The following PRELID2 variants were observed in gnomAD, a reference collection of about 807,000 sequenced individuals.
PRELID2 encodes PRELI domain containing 2.
In PRELID2, 25 loss-of-function variants were observed where a neutral mutation model predicts 28.4. That is an observed-to-expected ratio of 0.88 (90% CI 0.64 to 1.23). PRELID2 has a LOEUF of 1.23. PRELID2 is among the 50% of genes most tolerant of loss of function. The pLI, the probability that PRELID2 is intolerant of heterozygous loss-of-function variation, is 0.00. For synonymous variants in PRELID2, 76 were observed against 71.6 expected, an observed-to-expected ratio of 1.06 and a Z score of -0.31; for missense variants, 201 against 214.4, an observed-to-expected ratio of 0.94 and a Z score of 0.39.
chr5:145,445,240 A>T, the PRELID2 span, among the ~76,000 whole-genome samples: 8 of 152,226 alleles, frequency 5.3e-5, no homozygotes, highest in Non-Finnish European at 1.2e-4. Flanking sequence ...ATCCACAGCC[A>T]ACTGATTTTT....
intron 5 of PRELID2, among the ~76,000 whole-genome samples, chr5:145,775,305 C>T (rs969859153): frequency 3.3e-5 from 5 of 152,158 alleles, no homozygotes; most frequent in African/African-American, 9.6e-5. Context: ...CTGAGCCTTC[C>T]GTATACTATC....
At chr5:145,358,691 C>T in the PRELID2 span, among the ~76,000 whole-genome samples, 1 of 152,072 alleles carries the variant, frequency 6.6e-6, no homozygotes, top group Admixed American at 6.6e-5. Context: ...AGATAAAATC[C>T]AATGAAAGGG....
chr5:145,527,150 G>T (rs575108055), intron 1 of PRELID2, among the ~76,000 whole-genome samples: 2 of 152,114 alleles, frequency 1.3e-5, no homozygotes, highest in Admixed American at 6.6e-5. Flanking sequence ...TCTATAAAAG[G>T]GTGGCACCAG....
intron 1 of PRELID2, chr5:145,826,094 C>T (rs1282862200): frequency 1.0e-6 from 1 of 985,404 alleles, no homozygotes. Context: ...ATCAGGATCA[C>T]ACCCATCAAA....
intron 4 of PRELID2, among the ~76,000 whole-genome samples, chr5:145,812,922 G>C (rs756675344): frequency 6.6e-6 from 1 of 152,206 alleles, no homozygotes; most frequent in African/African-American, 2.4e-5. Flanking sequence ...CAGTACAGAT[G>C]GGGGAAAGCC....
chr5:145,303,165 C>A, the PRELID2 span, among the ~76,000 whole-genome samples: 24 of 152,246 alleles, frequency 1.6e-4, no homozygotes, highest in South Asian at 5.0e-3. Context: ...AATTAAATAA[C>A]ATTTGTAAAG....
the PRELID2 span, among the ~76,000 whole-genome samples, chr5:145,451,251 T>C: frequency 2.0e-5 from 3 of 152,122 alleles, no homozygotes; most frequent in Admixed American, 6.5e-5. Flanking sequence ...CCACAAGCAC[T>C]CCACAGTCAT....
intron 1 of PRELID2, among the ~76,000 whole-genome samples, chr5:145,561,403 G>A (rs943374612): frequency 2.0e-5 from 3 of 151,944 alleles, no homozygotes; most frequent in African/African-American, 4.8e-5. Context: ...CCCTAAGCAC[G>A]GCTCCCAGAC....
At chr5:145,377,295 GTTTT>G in the PRELID2 span, among the ~76,000 whole-genome samples, 1 of 152,142 alleles carries the variant, frequency 6.6e-6, no homozygotes, top group Middle Eastern at 3.2e-3. Flanking sequence ...GCTCTGAAGT[GTTTT>G]ACTTCCAATT....
chr5:145,286,313 G>A, the PRELID2 span, among the ~76,000 whole-genome samples: 6 of 152,272 alleles, frequency 3.9e-5, no homozygotes, highest in African/African-American at 7.2e-5. Context: ...CACTATGCTT[G>A]TTATACTATC....
the PRELID2 span, among the ~76,000 whole-genome samples, chr5:145,275,080 A>G: frequency 2.0e-5 from 3 of 152,024 alleles, no homozygotes; most frequent in East Asian, 5.8e-4. Context: ...TTTTACCTTA[A>G]TCTCCTCTTT....
At chr5:145,640,771 T>C (rs1263541944) in intron 1 of PRELID2, among the ~76,000 whole-genome samples, 2 of 152,028 alleles carry the variant, frequency 1.3e-5, no homozygotes, top group Non-Finnish European at 2.9e-5. Flanking sequence ...TAACAAAACA[T>C]ATTACAAAAC....
At chr5:145,556,703 T>A (rs897560682) in intron 1 of PRELID2, among the ~76,000 whole-genome samples, 4 of 152,202 alleles carry the variant, frequency 2.6e-5, no homozygotes, top group Non-Finnish European at 5.9e-5. Flanking sequence ...CAAGGCCCAA[T>A]GTGGTCTCAC....
Position 145,759,894 on chromosome 5 carries a change from G to T in PRELID2, c.*642C>A, listed in dbSNP as rs1416663888. ...TCATTTCATTTTTTTTTTTCCAGAG[G>T]ACCAAATCACAGTTTACATATTACA... On this transcript the variant is annotated 3_prime_UTR_variant, in exon 7 of 7. Transcript: ENST00000683046. The T allele has an allele frequency of 1.3e-5, 2 of 151,648 alleles. No individual in the cohort carries two copies. Among genetic ancestry groups the T allele is most frequent in the African/African-American group, 2.4e-5 (1 of 41,236 alleles). The allele number at this position is 151,648 out of a possible 1,614,324, so 9.4% of individuals were successfully genotyped here.
the PRELID2 span, among the ~76,000 whole-genome samples, chr5:145,248,324 T>C: frequency 0.083 from 12,558 of 152,136 alleles, 1,125 homozygotes; most frequent in African/African-American, 0.23. Flanking sequence ...TTTTCAAATT[T>C]TGTACCATAG....
chr5:145,422,005 A>G, the PRELID2 span, among the ~76,000 whole-genome samples: 1 of 150,436 alleles, frequency 6.6e-6, no homozygotes, highest in Non-Finnish European at 1.5e-5. Flanking sequence ...GTAGTCATTC[A>G]GGAGCAGGTT....
chr5:145,572,503 C>T (rs939243907), intron 1 of PRELID2, among the ~76,000 whole-genome samples: 2 of 152,142 alleles, frequency 1.3e-5, no homozygotes, highest in East Asian at 3.8e-4. Flanking sequence ...TGTACAGCAT[C>T]TGTGTGCTAT....
At chr5:145,327,730 G>A in the PRELID2 span, among the ~76,000 whole-genome samples, 13 of 151,542 alleles carry the variant, frequency 8.6e-5, no homozygotes, top group Middle Eastern at 3.2e-3. Context: ...TTTTTATATT[G>A]ATATGCTTTG....
intron 1 of PRELID2, among the ~76,000 whole-genome samples, chr5:145,653,455 A>G (rs921683792): frequency 4.6e-5 from 7 of 152,246 alleles, no homozygotes; most frequent in African/African-American, 1.7e-4. Flanking sequence ...CATTCTTCTA[A>G]GCACCACGTC....
Sources: allele counts gnomAD v4.1 joint callset (sites outside exome capture counted in the v4.1 genomes callset), GRCh38; gene constraint gnomAD v4.1.1; transcripts MANE v1.5; gene names NCBI Gene and HGNC (gene_info 2026-07-23, HGNC 2026-07-21).